CPEB1: variants seen among roughly 807,000 people sequenced by gnomAD.
CPEB1 encodes the protein cytoplasmic polyadenylation element binding protein 1.
A neutral mutation model predicts 65.8 loss-of-function variants in CPEB1; 7 were observed. The ratio of observed to expected loss-of-function variants is 0.11; its 90% confidence interval spans 0.06 to 0.20. The LOEUF is 0.20. CPEB1 is among the 10% of genes least tolerant of loss of function. CPEB1 has a pLI of 1.00. For synonymous variants in CPEB1, 262 were observed against 260.0 expected (o/e 1.01, Z -0.08); for missense variants, 551 against 712.2 (o/e 0.77, Z 2.58).
At position 82,556,054 on chromosome 15, in the gene CPEB1, T is replaced by C. The variant is rs2037144339; in HGVS notation, c.756A>G (p.Leu252=). The change falls in exon 6 of 13, where the codon TTA becomes TTG. Residue 252 remains leucine (L), a synonymous_variant. Coordinates refer to ENST00000684509, the MANE Select transcript of CPEB1 (RefSeq NM_001365242.1). The part of the protein sequence containing the change: ...SLSGGGPRDP[L]KMGVGSRMDQ... ...CCATCCGAGACCCTACCCCCATCTT[T>C]AAAGGGTCTCTGGGACCACCCCCTG... 1 of 1,612,328 alleles carries C rather than the reference T, an allele frequency of 6.2e-7. No individual in the cohort carries two copies.
chr15:82,567,511 C>T (rs1246788149), intron 4 of CPEB1, among the ~76,000 whole-genome samples: 1 of 151,984 alleles, frequency 6.6e-6, no homozygotes, highest in Non-Finnish European at 1.5e-5. Flanking sequence ...GTGGTGGGCA[C>T]CTCTAATCCC....
chr15:82,648,685 C>G (rs587717343), upstream of CPEB1: 1 of 152,930 alleles, frequency 6.5e-6, no homozygotes. Flanking sequence ...AACGCAGAGT[C>G]GGAGATGGCA....
intron 1 of CPEB1, among the ~76,000 whole-genome samples, chr15:82,645,243 C>T (rs1367350529): frequency 6.6e-6 from 1 of 152,106 alleles, no homozygotes; most frequent in Non-Finnish European, 1.5e-5. Context: ...ACTTCCACTT[C>T]CTGGGTTTAA....
intron 9 of CPEB1, among the ~76,000 whole-genome samples, chr15:82,551,519 T>C (rs2036252528): frequency 6.6e-6 from 1 of 152,192 alleles, no homozygotes; most frequent in South Asian, 2.1e-4. Context: ...ATATACAGAA[T>C]AGTTTCACTG....
intron 6 of CPEB1, among the ~76,000 whole-genome samples, 190 bp downstream of exon 6, chr15:82,555,680 G>C (rs868015977): frequency 3.3e-5 from 5 of 152,204 alleles, no homozygotes; most frequent in Non-Finnish European, 7.3e-5. Context: ...TCTCCACTCA[G>C]CCTCAAGAAG....
chr15:82,635,215 AT>A, intron 1 of CPEB1, among the ~76,000 whole-genome samples: 2 of 152,336 alleles, frequency 1.3e-5, no homozygotes, highest in Middle Eastern at 3.4e-3. Context: ...GATACTCAGG[AT>A]TTTAGGCATA....
intron 3 of CPEB1, among the ~76,000 whole-genome samples, chr15:82,620,292 G>A (rs548567508): frequency 6.2e-4 from 94 of 151,794 alleles, no homozygotes; most frequent in African/African-American, 2.2e-3. Flanking sequence ...GGGTGTGGTG[G>A]CATGTGCCTG....
chr15:82,594,562 T>C (rs1021382746), intron 3 of CPEB1, among the ~76,000 whole-genome samples: 3 of 152,184 alleles, frequency 2.0e-5, no homozygotes, highest in African/African-American at 7.2e-5. Flanking sequence ...CTTTCCCATA[T>C]CAGCAAAAAG....
At chr15:82,572,488 T>C (rs961081551) in intron 3 of CPEB1, among the ~76,000 whole-genome samples, 3 of 152,098 alleles carry the variant, frequency 2.0e-5, no homozygotes, top group African/African-American at 7.2e-5. Context: ...CTGACTAGGA[T>C]AATCCCTGTG....
intron 3 of CPEB1, 142 bp from the exon 4 acceptor site, chr15:82,571,674 C>T: frequency 2.8e-6 from 4 of 1,445,166 alleles, no homozygotes; most frequent in Non-Finnish European, 3.6e-6. Flanking sequence ...CAGCCGCTGC[C>T]TCTGCACTTT....
intron 3 of CPEB1, among the ~76,000 whole-genome samples, chr15:82,614,072 C>T (rs1464022720): frequency 6.6e-6 from 1 of 151,936 alleles, no homozygotes; most frequent in Non-Finnish European, 1.5e-5. Flanking sequence ...CTCTAAGACT[C>T]CCTACCCTGG....
chr15:82,554,373 T>C (rs1439916066), intron 6 of CPEB1, among the ~76,000 whole-genome samples: 1 of 152,218 alleles, frequency 6.6e-6, no homozygotes, highest in East Asian at 1.9e-4. Context: ...CAATACAACA[T>C]CTTGCAGGCT....
At chr15:82,628,247 G>C (rs1255875594) in intron 2 of CPEB1, 117 bp downstream of exon 2, 1 of 702,862 alleles carries the variant, frequency 1.4e-6, no homozygotes, top group Non-Finnish European at 2.6e-6. Context: ...TGACTTCACA[G>C]ATTTACCACA....
intron 3 of CPEB1, among the ~76,000 whole-genome samples, chr15:82,572,615 C>T (rs1373901392): frequency 6.6e-6 from 1 of 152,214 alleles, no homozygotes; most frequent in Non-Finnish European, 1.5e-5. Context: ...CTCGAAGCAG[C>T]ATCTGACAAA....
chr15:82,588,023 G>T (rs1161234963), intron 3 of CPEB1, among the ~76,000 whole-genome samples: 1 of 152,118 alleles, frequency 6.6e-6, no homozygotes, highest in Non-Finnish European at 1.5e-5. Flanking sequence ...CCAGGCTCAA[G>T]CGATCCTCCC....
At chr15:82,632,272 G>A (rs1347377438) in intron 1 of CPEB1, among the ~76,000 whole-genome samples, 1 of 151,862 alleles carries the variant, frequency 6.6e-6, no homozygotes, top group Non-Finnish European at 1.5e-5. Context: ...GTGAGCCACT[G>A]CGCCCAGCCA....
intron 10 of CPEB1, chr15:82,548,902 AT>A (rs1361878803): frequency 6.8e-6 from 2 of 295,624 alleles, no homozygotes; most frequent in South Asian, 2.7e-5. Flanking sequence ...CATCATTGAC[AT>A]TTTGCCAGGA....
chr15:82,641,432 C>T (rs928362587), intron 1 of CPEB1, among the ~76,000 whole-genome samples: 4 of 152,124 alleles, frequency 2.6e-5, no homozygotes, highest in African/African-American at 9.7e-5. Flanking sequence ...TGTTCTCTTC[C>T]AACAGAGGAG....
chr15:82,573,178 C>T, intron 3 of CPEB1: 1 of 1,532,470 alleles, frequency 6.5e-7, no homozygotes, highest in Non-Finnish European at 8.7e-7. Context: ...ACCCTGTGTC[C>T]ACAGGCACTC....
Sources: gnomAD v4.1 joint callset for allele counts (sites outside exome capture counted in the v4.1 genomes callset) on GRCh38, gnomAD v4.1.1 for gene constraint, MANE v1.5 for transcripts, NCBI Gene and HGNC (gene_info 2026-07-23, HGNC 2026-07-21) for gene names.